ODR4: variants seen among roughly 807,000 people sequenced by gnomAD.
ODR4 encodes the protein odr-4 GPCR localization factor homolog.
A neutral mutation model predicts 60.2 loss-of-function variants in ODR4; 47 were observed. The observed-to-expected ratio is 0.78, with a 90% CI of 0.62 to 1.00. The LOEUF is 1.00. ODR4 is among the 50% of genes least tolerant of loss of function. ODR4 has a pLI of 0.00. For missense variants in ODR4, 488 were observed against 530.8 expected, an observed-to-expected ratio of 0.92 and a Z score of 0.79; for synonymous variants, 178 against 175.5, an observed-to-expected ratio of 1.01 and a Z score of -0.11.
chr1:186,395,533 A>G (rs187261418), intron 9 of ODR4, among the ~76,000 whole-genome samples: 1 of 152,122 alleles, frequency 6.6e-6, no homozygotes, highest in African/African-American at 2.4e-5. Flanking sequence ...GTTAAGTCTT[A>G]TTGATTCCTT....
At position 186,419,551 on chromosome 1, in the gene ODR4, GAAAA is replaced by G. The variant is rs750018274; in HGVS notation, c.*484_*487del. 6.8e-6 allele frequency: 1 copy of G among 146,078 alleles called. No individual in the cohort carries two copies. The highest frequency in any genetic ancestry group is 2.5e-5 in the African/African-American group (1 of 39,498). 9.0% of individuals were successfully genotyped at this position (146,078 alleles called of 1,614,324 possible). A position where few individuals can be genotyped will look rare whatever the true frequency, so the allele number is the denominator to read the frequency against. ...ACATAATGAGATTCTGTCTCTACTG[GAAAA>G]AAAAAAAATTAGCTGGACATGGTGG... On this transcript the variant is annotated 3_prime_UTR_variant, in exon 14 of 14. Coordinates refer to ENST00000287859, the MANE Select transcript of ODR4 (RefSeq NM_017847.6).
At chr1:186,409,408 T>C (rs1480172782) in intron 12 of ODR4, among the ~76,000 whole-genome samples, 2 of 152,258 alleles carry the variant, frequency 1.3e-5, no homozygotes, top group African/African-American at 2.4e-5. Flanking sequence ...TCTAGCACTT[T>C]ACTAAGAGCT....
intron 9 of ODR4, among the ~76,000 whole-genome samples, chr1:186,397,284 C>A (rs1660719758): frequency 6.6e-6 from 1 of 152,146 alleles, no homozygotes; most frequent in South Asian, 2.1e-4. Context: ...AGGCACAAAG[C>A]ACTTTTCACA....
chr1:186,400,994 T>G, intron 11 of ODR4: 1 of 1,534,434 alleles, frequency 6.5e-7, no homozygotes, highest in South Asian at 1.2e-5. Context: ...CTTCAGGTTC[T>G]GAGCAACAGT....
chr1:186,385,518 A>T (rs190078184), intron 3 of ODR4, among the ~76,000 whole-genome samples: 69 of 151,858 alleles, frequency 4.5e-4, no homozygotes, highest in Non-Finnish European at 8.5e-4. Flanking sequence ...AGTAGGGTTG[A>T]GACATGCAGA....
At chr1:186,412,833 A>G (rs1312401467) in intron 12 of ODR4, among the ~76,000 whole-genome samples, 3 of 137,802 alleles carry the variant, frequency 2.2e-5, no homozygotes, top group Non-Finnish European at 5.1e-5. Flanking sequence ...CTAAACAGAA[A>G]GAGATATATA....
At chr1:186,405,317 T>C (rs536107718) in intron 11 of ODR4, among the ~76,000 whole-genome samples, 1 of 152,172 alleles carries the variant, frequency 6.6e-6, no homozygotes, top group Non-Finnish European at 1.5e-5. Flanking sequence ...AAATGTATTC[T>C]ATCAGATCCT....
intron 11 of ODR4, among the ~76,000 whole-genome samples, chr1:186,402,298 TCTCTCCTCTCCTCTTTTCTC>T (rs1661010463): frequency 6.7e-6 from 1 of 150,302 alleles, no homozygotes; most frequent in African/African-American, 2.4e-5. Flanking sequence ...TTTCTTTCCT[TCTCTCCTCTCCTCTTTTCTC>T]CTCTCCTCTT....
At chr1:186,401,110 A>G in intron 11 of ODR4, 1 of 1,594,522 alleles carries the variant, frequency 6.3e-7, no homozygotes, top group East Asian at 2.3e-5. Context: ...ATACTCTTCT[A>G]TTTAAAAATC....
In ODR4 at chr1:186,420,507, T is replaced by G. The variant is rs565142895; in HGVS notation, c.*1431T>G. 1.3e-5 allele frequency: 2 copies of G among 152,276 alleles called. No individual in the cohort carries two copies. Among genetic ancestry groups the G allele is most frequent in the Admixed American group, 1.3e-4 (2 of 15,296 alleles). The allele number at this position is 152,276 out of a possible 1,614,324, so 9.4% of individuals were successfully genotyped here. ...GCTATAGAAAAAATAAACATTGAAC[T>G]CAGTTCTTCAAGGTTTCATCACCAA... On this transcript the variant is annotated 3_prime_UTR_variant, in exon 14 of 14. Coordinates refer to ENST00000287859, the MANE Select transcript of ODR4 (RefSeq NM_017847.6).
At chr1:186,407,501 T>G (rs987383938) in intron 12 of ODR4, among the ~76,000 whole-genome samples, 16 of 152,128 alleles carry the variant, frequency 1.1e-4, no homozygotes, top group African/African-American at 3.1e-4. Context: ...TGAATAGATC[T>G]TATAATGTTG....
rs1363885406 is a variant in ODR4 at position 186,390,704 on chromosome 1, C to T, written c.475-7C>T. On this transcript the variant is annotated splice_region_variant and splice_polypyrimidine_tract_variant and intron_variant, in intron 6 of 13. Coordinates refer to ENST00000287859, the MANE Select transcript of ODR4 (RefSeq NM_017847.6). Reference sequence around the variant, plus strand: ...CATAGTTATTTTTCTCCCTTCTCCACTGCTAGAGTTCAGCAAGACCAGCAG... The same window carrying T: ...CATAGTTATTTTTCTCCCTTCTCCATTGCTAGAGTTCAGCAAGACCAGCAG... 1 of 1,613,074 alleles carries T rather than the reference C, an allele frequency of 6.2e-7. No homozygotes were observed.
chr1:186,418,895 T>C, intron 13 of ODR4, 114 bp from the exon 14 acceptor site: 1 of 795,950 alleles, frequency 1.3e-6, no homozygotes, highest in South Asian at 1.5e-5. Flanking sequence ...TGATTGTGTG[T>C]TTGTGTATTG....
chr1:186,410,478 T>C (rs937980727), intron 12 of ODR4, among the ~76,000 whole-genome samples: 17 of 152,204 alleles, frequency 1.1e-4, no homozygotes, highest in South Asian at 6.2e-4. Flanking sequence ...ATAATAGATA[T>C]GAATCAATAA....
chr1:186,432,573 C>A, the ODR4 span, among the ~76,000 whole-genome samples: 1 of 152,044 alleles, frequency 6.6e-6, no homozygotes, highest in African/African-American at 2.4e-5. Flanking sequence ...GCTATTCAGA[C>A]TTTCTATTTG....
intron 5 of ODR4, 27 bp from the exon 6 acceptor site, chr1:186,389,561 G>C (rs1190773381): frequency 6.7e-7 from 1 of 1,500,382 alleles, no homozygotes; most frequent in Admixed American, 2.1e-5. Flanking sequence ...TGCCTTTTTT[G>C]GTTATTTCTG....
intron 11 of ODR4, among the ~76,000 whole-genome samples, chr1:186,399,990 C>CTTTTTTTTTTT (rs948511178): frequency 5.4e-5 from 6 of 112,040 alleles, no homozygotes; most frequent in South Asian, 2.9e-4. Context: ...TTTTTTTTTT[C>CTTTTTTTTTTT]TTTTTTTTTT....
chr1:186,388,078 G>A (rs115510453), intron 4 of ODR4, among the ~76,000 whole-genome samples: 2,592 of 152,122 alleles, frequency 0.017, 77 homozygotes, highest in African/African-American at 0.059. Context: ...AATTTTTTGT[G>A]TCCAGTTAAT....
chr1:186,398,552 A>G (rs1427821559), intron 10 of ODR4, 111 bp downstream of exon 10: 13 of 1,068,308 alleles, frequency 1.2e-5, no homozygotes, highest in African/African-American at 1.6e-5. Flanking sequence ...ATTTTAACTG[A>G]TAATGGCCTA....
Sources: gnomAD v4.1 joint callset for allele counts (sites outside exome capture counted in the v4.1 genomes callset) on GRCh38, gnomAD v4.1.1 for gene constraint, MANE v1.5 for transcripts, NCBI Gene and HGNC (gene_info 2026-07-23, HGNC 2026-07-21) for gene names.